DPP6: variants seen among roughly 807,000 people sequenced by gnomAD.
DPP6 encodes the protein dipeptidyl peptidase like 6, also known as A-type potassium channel modulatory protein DPP6.
In DPP6, 69 loss-of-function variants were observed where a neutral mutation model predicts 122.6. The ratio of observed to expected loss-of-function variants is 0.56; its 90% CI spans 0.46 to 0.69. The LOEUF (loss-of-function observed/expected upper bound fraction) is 0.69. Ranked by LOEUF, DPP6 falls within the 30% of genes least tolerant of loss-of-function variation. The pLI is 0.00. For missense variants in DPP6, 928 were observed against 1,116.9 expected (o/e 0.83, Z 2.41); for synonymous variants, 418 against 433.1 (o/e 0.97, Z 0.43).
At chr7:154,431,497 TTTTCTTTTC>T (rs1337042998) in intron 1 of DPP6, among the ~76,000 whole-genome samples, 2 of 118,670 alleles carry the variant, frequency 1.7e-5, no homozygotes, top group African/African-American at 3.4e-5. Context: ...TTTTCTTTTC[TTTTCTTTTC>T]TTTCTTTTAT....
chr7:154,859,448 G>A (rs990181804), intron 17 of DPP6, among the ~76,000 whole-genome samples: 1 of 152,238 alleles, frequency 6.6e-6, no homozygotes, highest in Non-Finnish European at 1.5e-5. Context: ...AGCAAAGGGG[G>A]CTCTGGAAGG....
chr7:154,508,144 C>G (rs1291613179), intron 3 of DPP6, among the ~76,000 whole-genome samples: 1 of 152,108 alleles, frequency 6.6e-6, no homozygotes, highest in African/African-American at 2.4e-5. Context: ...CTATGAAAAG[C>G]AACTCGAACT....
intron 23 of DPP6, among the ~76,000 whole-genome samples, chr7:154,888,594 C>T (rs1183279614): frequency 1.3e-5 from 2 of 152,214 alleles, no homozygotes; most frequent in African/African-American, 4.8e-5. Flanking sequence ...AGTCAGCTCC[C>T]TGAGGCTCCA....
rs566108653 is a variant in DPP6 at position 154,075,828 on chromosome 7, A to T, written c.243+22765A>T. Among the ~76,000 whole-genome samples, 91 of 148,562 alleles carry T rather than the reference A, an allele frequency of 6.1e-4. No individual in the cohort carries two copies. The East Asian group carries it at 0.013, about 21-fold the overall frequency. ...TGAAATAAACATAAAATAAATTTTT[A>T]AAAAAGAGATACATGTGTTGAAATA... On this transcript the variant is annotated intron_variant, in intron 1 of 25. Coordinates refer to ENST00000377770, the MANE Select transcript of DPP6 (RefSeq NM_130797.4).
intron 1 of DPP6, among the ~76,000 whole-genome samples, chr7:154,020,098 T>TCA (rs1485906056): frequency 6.8e-6 from 1 of 148,050 alleles, no homozygotes; most frequent in African/African-American, 2.5e-5. Context: ...TTCCAGAATT[T>TCA]CACACACACA....
At chr7:154,660,065 T>C (rs140702994) in intron 6 of DPP6, among the ~76,000 whole-genome samples, 560 of 152,174 alleles carry the variant, frequency 3.7e-3, no homozygotes, top group African/African-American at 0.013. Context: ...TCCTGTAACG[T>C]GTTGGTGGTG....
At chr7:154,062,043 G>C (rs1398643263) in intron 1 of DPP6, among the ~76,000 whole-genome samples, 1 of 121,186 alleles carries the variant, frequency 8.3e-6, no homozygotes, top group African/African-American at 3.1e-5. Context: ...CCGCGAGGCA[G>C]GGACTGACAG....
At chr7:154,291,076 T>C (rs1805178177) in intron 1 of DPP6, among the ~76,000 whole-genome samples, 1 of 152,164 alleles carries the variant, frequency 6.6e-6, no homozygotes, top group African/African-American at 2.4e-5. Context: ...CTGACCTAGT[T>C]TGCAGCCACC....
chr7:153,800,816 C>T, the DPP6 span, among the ~76,000 whole-genome samples: 1 of 151,972 alleles, frequency 6.6e-6, no homozygotes, highest in Admixed American at 6.6e-5. Context: ...AGCACCCAGC[C>T]CAGTTAACAA....
At chr7:153,768,847 T>C in the DPP6 span, among the ~76,000 whole-genome samples, 8 of 152,214 alleles carry the variant, frequency 5.3e-5, no homozygotes, top group Non-Finnish European at 8.8e-5. Flanking sequence ...TAAAGACAAT[T>C]TTAACAACAA....
At chr7:154,607,425 G>A (rs1377748464) in intron 5 of DPP6, among the ~76,000 whole-genome samples, 1 of 115,950 alleles carries the variant, frequency 8.6e-6, no homozygotes, top group Non-Finnish European at 1.9e-5. Flanking sequence ...GCTGGGCATG[G>A]CGGCGGGCGC....
chr7:153,845,200 A>T, the DPP6 span, among the ~76,000 whole-genome samples: 1 of 152,114 alleles, frequency 6.6e-6, no homozygotes. Flanking sequence ...TTATAGGTCA[A>T]CCTCGCTTTT....
chr7:154,513,917 G>A (rs1826282576), intron 3 of DPP6, among the ~76,000 whole-genome samples: 1 of 152,136 alleles, frequency 6.6e-6, no homozygotes, highest in Non-Finnish European at 1.5e-5. Context: ...TTTCTTTCAT[G>A]CTGATTTTTA....
chr7:154,293,043 G>A (rs568765057), intron 1 of DPP6, among the ~76,000 whole-genome samples: 1 of 152,076 alleles, frequency 6.6e-6, no homozygotes, highest in East Asian at 1.9e-4. Context: ...TGTTTCTTGT[G>A]GGGGTTGCTG....
intron 6 of DPP6, among the ~76,000 whole-genome samples, chr7:154,655,327 T>G (rs991261122): frequency 6.6e-6 from 1 of 152,228 alleles, no homozygotes; most frequent in Non-Finnish European, 1.5e-5. Flanking sequence ...GCATGATTTA[T>G]GCCCTGTTTT....
chr7:154,594,345 G>C (rs1832968094), intron 5 of DPP6, among the ~76,000 whole-genome samples: 2 of 152,138 alleles, frequency 1.3e-5, no homozygotes. Flanking sequence ...TTCCTTGTTA[G>C]ACTCAAGCTC....
intron 1 of DPP6, among the ~76,000 whole-genome samples, chr7:153,997,591 C>T (rs1383883655): frequency 9.4e-5 from 3 of 31,974 alleles, no homozygotes; most frequent in African/African-American, 4.9e-4. Flanking sequence ...TATGAGTGCA[C>T]AGCACACACA....
At chr7:154,211,240 G>A (rs951015828) in intron 1 of DPP6, among the ~76,000 whole-genome samples, 2 of 152,192 alleles carry the variant, frequency 1.3e-5, no homozygotes, top group African/African-American at 4.8e-5. Flanking sequence ...TGGGATGGCT[G>A]GAGGAGGGAA....
intron 1 of DPP6, among the ~76,000 whole-genome samples, chr7:154,105,187 G>T (rs535050569): frequency 6.6e-6 from 1 of 152,358 alleles, no homozygotes; most frequent in African/African-American, 2.4e-5. Context: ...CCTCTGACAC[G>T]TAATCTAAGA....
Sources: allele counts gnomAD v4.1 joint callset (sites outside exome capture counted in the v4.1 genomes callset), GRCh38; gene constraint gnomAD v4.1.1; transcripts MANE v1.5; gene names NCBI Gene and HGNC (gene_info 2026-07-23, HGNC 2026-07-21).